ASCC1: variants seen among roughly 807,000 people sequenced by gnomAD.
The protein encoded by ASCC1 is activating signal cointegrator 1 complex subunit 1, also known as ASC-1 complex subunit P50.
In ASCC1, 35 loss-of-function variants were observed where a neutral mutation model predicts 46.6. That is an observed-to-expected ratio of 0.75 (90% CI 0.57 to 0.99). ASCC1 has a LOEUF of 0.99. Ranked by LOEUF, ASCC1 falls within the 50% of genes least tolerant of loss-of-function variation. The pLI is 0.00. For synonymous variants in ASCC1, 143 were observed against 146.6 expected, an observed-to-expected ratio of 0.98 and a Z score of 0.18; for missense variants, 376 against 428.7, an observed-to-expected ratio of 0.88 and a Z score of 1.09.
intron 3 of ASCC1, among the ~76,000 whole-genome samples, chr10:72,208,645 A>G (rs1035520419): frequency 6.6e-6 from 1 of 152,154 alleles, no homozygotes; most frequent in Admixed American, 6.6e-5. Context: ...CTGTAGTTCC[A>G]GCTACTCAGG....
At chr10:72,152,194 T>G (rs12783746) in intron 7 of ASCC1, among the ~76,000 whole-genome samples, 1 of 144,378 alleles carries the variant, frequency 6.9e-6, no homozygotes, top group South Asian at 2.2e-4. Flanking sequence ...TTGTTTTTTG[T>G]GTTTTTTTTT....
intron 8 of ASCC1, among the ~76,000 whole-genome samples, chr10:72,132,144 C>G (rs985780918): frequency 1.3e-5 from 2 of 152,134 alleles, no homozygotes; most frequent in African/African-American, 4.8e-5. Flanking sequence ...GCTAGGATTA[C>G]AGGCATGAGC....
intron 9 of ASCC1, among the ~76,000 whole-genome samples, chr10:72,105,918 G>C (rs549253313): frequency 2.0e-5 from 3 of 152,208 alleles, no homozygotes; most frequent in Admixed American, 6.5e-5. Context: ...ATCTCAAACA[G>C]AGGTGGGGAG....
At chr10:72,169,397 G>A (rs113937657) in intron 5 of ASCC1, among the ~76,000 whole-genome samples, 21 of 152,180 alleles carry the variant, frequency 1.4e-4, no homozygotes, top group African/African-American at 4.3e-4. Flanking sequence ...CTGTGATAGT[G>A]CCACTGCACT....
In ASCC1 at chr10:72,175,258, T is replaced by C. The variant is rs73274952; in HGVS notation, c.490-13584A>G. Among the ~76,000 whole-genome samples the C allele has an allele frequency of 3.4e-3, 523 of 152,330 alleles. 2 individuals are homozygous for C. Among genetic ancestry groups the C allele is most frequent in the African/African-American group, 8.4e-3 (351 of 41,574 alleles). On this transcript the variant is annotated intron_variant, in intron 5 of 9. Coordinates refer to ENST00000672957, the MANE Select transcript of ASCC1 (RefSeq NM_001198800.3). ...AACAGACAATACTTCTGTCTCAGGT[T>C]TGCTCTGCAGATGAAACACATATGA...
At chr10:72,111,704 C>T (rs1222916101) in intron 9 of ASCC1, among the ~76,000 whole-genome samples, 6 of 151,898 alleles carry the variant, frequency 4.0e-5, no homozygotes, top group East Asian at 1.9e-4. Flanking sequence ...TGCAATGGTG[C>T]GATCTTGGCT....
At chr10:72,126,906 G>C (rs1844924959) in intron 9 of ASCC1, among the ~76,000 whole-genome samples, 1 of 152,180 alleles carries the variant, frequency 6.6e-6, no homozygotes, top group Non-Finnish European at 1.5e-5. Context: ...AGGAAAGGAA[G>C]GACTCAGCAT....
intron 8 of ASCC1, 80 bp from the exon 9 acceptor site, chr10:72,128,247 C>T (rs1993940): frequency 1.7e-5 from 21 of 1,246,476 alleles, no homozygotes; most frequent in Admixed American, 6.8e-5. Flanking sequence ...TACATAGGTA[C>T]GACTAGCAAA....
rs1053126678 is a variant in ASCC1, at chr10:72,172,946, A to T, written c.490-11272T>A. ...ATATATTATATATTTTATATTATAT[A>T]TTATATTTTATATTTTTATATATGT... On this transcript the variant is annotated intron_variant, in intron 5 of 9. Transcript: ENST00000672957. 4.4e-5 allele frequency among the ~76,000 whole-genome samples: 6 copies of T among 137,698 alleles called. No individual in the cohort carries two copies. In the South Asian group the frequency reaches 6.4e-4, roughly 15 times the overall value. The allele number at this position is 137,698 out of a possible 152,430, so 90.3% of individuals were successfully genotyped here.
intron 5 of ASCC1, among the ~76,000 whole-genome samples, chr10:72,165,507 T>C (rs1850229209): frequency 6.6e-6 from 1 of 152,238 alleles, no homozygotes; most frequent in Admixed American, 6.5e-5. Context: ...TCTGGCCTGA[T>C]AAAATGCTCC....
In ASCC1 at chr10:72,133,187, G is replaced by A. The variant is rs753511548; in HGVS notation, c.747-6C>T. On this transcript the variant is annotated splice_region_variant and splice_polypyrimidine_tract_variant and intron_variant, in intron 7 of 9. Coordinates refer to ENST00000672957, the MANE Select transcript of ASCC1 (RefSeq NM_001198800.3). The stretch of plus-strand genomic sequence containing the variant: ...GATCAACTAATTCTTGTAGCCTGGA[G>A]AAATTGGAGAAAAGTAATGCAGAAA... 1 of 1,613,980 alleles carries A rather than the reference G, an allele frequency of 6.2e-7. No homozygotes were observed. The highest frequency in any genetic ancestry group is 1.1e-5 in the South Asian group (1 of 91,070).
At chr10:72,187,423 G>A (rs548618611) in intron 5 of ASCC1, among the ~76,000 whole-genome samples, 14 of 149,522 alleles carry the variant, frequency 9.4e-5, no homozygotes, top group African/African-American at 3.5e-4. Flanking sequence ...CTAACACAGT[G>A]AAACCCCTTC....
At chr10:72,170,593 CAAA>C (rs1038487604) in intron 5 of ASCC1, among the ~76,000 whole-genome samples, 3 of 58,874 alleles carry the variant, frequency 5.1e-5, no homozygotes. Context: ...GACTGTATCT[CAAA>C]AAAAAAAAAA....
chr10:72,176,467 C>A (rs1446259859), intron 5 of ASCC1, among the ~76,000 whole-genome samples: 1 of 152,072 alleles, frequency 6.6e-6, no homozygotes, highest in Non-Finnish European at 1.5e-5. Flanking sequence ...CATCAGCCTC[C>A]CAAGTAGCTG....
At chr10:72,200,272 G>A (rs950463521) in intron 4 of ASCC1, among the ~76,000 whole-genome samples, 7 of 152,076 alleles carry the variant, frequency 4.6e-5, no homozygotes, top group South Asian at 2.1e-4. Flanking sequence ...TTTGGGGTTC[G>A]TATTATAAGA....
chr10:72,215,382 G>A (rs1420041146), intron 1 of ASCC1, among the ~76,000 whole-genome samples: 1 of 152,222 alleles, frequency 6.6e-6, no homozygotes, highest in Admixed American at 6.5e-5. Flanking sequence ...CTGGGCGACA[G>A]AGCGAGACTT....
At chr10:72,108,033 T>C (rs1842531188) in intron 9 of ASCC1, among the ~76,000 whole-genome samples, 1 of 152,034 alleles carries the variant, frequency 6.6e-6, no homozygotes, top group African/African-American at 2.4e-5. Flanking sequence ...TATCACATCA[T>C]CTAGGATGGT....
intron 5 of ASCC1, among the ~76,000 whole-genome samples, chr10:72,163,968 A>G (rs1850024118): frequency 6.6e-6 from 1 of 151,870 alleles, no homozygotes; most frequent in Non-Finnish European, 1.5e-5. Flanking sequence ...CTTTATATTT[A>G]TTTTTATTTT....
intron 9 of ASCC1, chr10:72,103,024 G>C (rs1358954289): frequency 2.3e-6 from 1 of 432,310 alleles, no homozygotes; most frequent in Non-Finnish European, 4.6e-6. Context: ...TGTAGGTATT[G>C]ACAACAACAG....
Sources: gnomAD v4.1 joint callset for allele counts (sites outside exome capture counted in the v4.1 genomes callset) on GRCh38, gnomAD v4.1.1 for gene constraint, MANE v1.5 for transcripts, NCBI Gene and HGNC (gene_info 2026-07-23, HGNC 2026-07-21) for gene names.